Variants in PAPOLG observed in about 807,000 individuals in gnomAD.
PAPOLG encodes PAP-gamma.
A neutral mutation model predicts 99.0 loss-of-function variants in PAPOLG; 40 were observed. The ratio of observed to expected loss-of-function variants is 0.40; its 90% confidence interval spans 0.31 to 0.53. PAPOLG has a LOEUF of 0.53. Among genes scored for constraint, PAPOLG ranks in the 20% least tolerant of loss-of-function variants. The pLI is 0.41. For missense variants in PAPOLG, 675 were observed against 884.1 expected (o/e 0.76, Z 3.00); for synonymous variants, 310 against 299.3 (o/e 1.04, Z -0.37).
chr2:60,774,930 T>G lies in PAPOLG; in HGVS notation c.605-104T>G. On this transcript the variant is annotated intron_variant, in intron 7 of 21. Coordinates refer to ENST00000238714, the MANE Select transcript of PAPOLG (RefSeq NM_022894.4). The stretch of plus-strand genomic sequence containing the variant: ...CATAAAATAAGCCCCAATGTTTTAT[T>G]ATCTTTCATATTTTTAGCATTCGAG... The G allele has an allele frequency of 2.0e-6, 3 of 1,519,618 alleles. No homozygotes were observed. In the Admixed American group the frequency reaches 7.0e-5, roughly 36 times the overall value. The allele number at this position is 1,519,618 out of a possible 1,614,324, so 94.1% of individuals were successfully genotyped here.
chr2:60,783,500 C>CTTTTTTTTTTTTTTTTT (rs761205449), intron 13 of PAPOLG, among the ~76,000 whole-genome samples: 11 of 45,360 alleles, frequency 2.4e-4, no homozygotes, highest in Non-Finnish European at 3.1e-4. Context: ...TTTACCCGGC[C>CTTTTTTTTTTTTTTTTT]TTTTTTTTTT....
chr2:60,785,934 T>C (rs967842197), intron 13 of PAPOLG, among the ~76,000 whole-genome samples: 2 of 152,142 alleles, frequency 1.3e-5, no homozygotes, highest in African/African-American at 4.8e-5. Context: ...ATGACTGTTT[T>C]ATAGTCTTAA....
intron 21 of PAPOLG, among the ~76,000 whole-genome samples, chr2:60,795,956 A>G (rs1243415134): frequency 1.3e-5 from 2 of 152,152 alleles, no homozygotes; most frequent in Admixed American, 6.5e-5. Context: ...TAATATATCC[A>G]GTCTAAAGGG....
rs1257762685 is a variant in PAPOLG, at chr2:60,756,289, T to C, written c.-190T>C. Reference sequence around the variant, plus strand: ...CCATATTGGCGTCGGCCGCGCTGTATTGTCATAAATAGAGCCGGTTTTGTG... The same window carrying C: ...CCATATTGGCGTCGGCCGCGCTGTACTGTCATAAATAGAGCCGGTTTTGTG... On this transcript the variant is annotated 5_prime_UTR_variant, in exon 1 of 22. Transcript: ENST00000238714. 1 of 673,828 alleles carries C rather than the reference T, an allele frequency of 1.5e-6. No individual in the cohort carries two copies. The highest frequency in any genetic ancestry group is 2.6e-6 in the Non-Finnish European group (1 of 383,150). The allele number at this position is 673,828 out of a possible 1,614,324, so 41.7% of individuals were successfully genotyped here.
At chr2:60,780,507 C>T (rs1316476040) in intron 9 of PAPOLG, among the ~76,000 whole-genome samples, 200 bp from the exon 10 acceptor site, 1 of 152,174 alleles carries the variant, frequency 6.6e-6, no homozygotes, top group Non-Finnish European at 1.5e-5. Context: ...AACTCCTGAG[C>T]TCAGGTGATC....
intron 11 of PAPOLG, among the ~76,000 whole-genome samples, chr2:60,782,472 G>A (rs1339564898): frequency 1.3e-5 from 2 of 151,616 alleles, no homozygotes; most frequent in African/African-American, 2.4e-5. Flanking sequence ...CAGGAGAATC[G>A]CTTGAACCCA....
rs565014473 is a variant in PAPOLG, at chr2:60,760,001, G to A, written c.18-133G>A. 252 of 833,496 alleles carry A rather than the reference G, an allele frequency of 3.0e-4. 1 individual carries two copies. In the South Asian group the frequency reaches 3.3e-3, roughly 11 times the overall value. 51.6% of individuals were successfully genotyped at this position (833,496 alleles called of 1,614,324 possible). ...ACCCATTTTTCCTTTACAAGAAAGTGTCTGCCACTACTGTTATTACTAAGT... is the reference window on the plus strand; with the variant it reads ...ACCCATTTTTCCTTTACAAGAAAGTATCTGCCACTACTGTTATTACTAAGT... On this transcript the variant is annotated intron_variant, in intron 1 of 21. Coordinates refer to ENST00000238714, the MANE Select transcript of PAPOLG (RefSeq NM_022894.4).
chr2:60,792,747 A>T (rs1417062739), intron 17 of PAPOLG, among the ~76,000 whole-genome samples: 1 of 152,098 alleles, frequency 6.6e-6, no homozygotes, highest in Non-Finnish European at 1.5e-5. Flanking sequence ...AAATACAAAA[A>T]TTAATTGGCC....
chr2:60,787,996 C>G (rs141504979), intron 15 of PAPOLG, among the ~76,000 whole-genome samples: 1 of 151,336 alleles, frequency 6.6e-6, no homozygotes, highest in Non-Finnish European at 1.5e-5. Flanking sequence ...GAGCCGAGAT[C>G]GCCCCACTGC....
At chr2:60,775,926 G>T (rs1671002971) in intron 8 of PAPOLG, among the ~76,000 whole-genome samples, 1 of 152,018 alleles carries the variant, frequency 6.6e-6, no homozygotes, top group Non-Finnish European at 1.5e-5. Flanking sequence ...ACCATACCCG[G>T]GTAATTTTTT....
Position 60,800,707 on chromosome 2 carries a change from G to C in PAPOLG, c.*3547G>C, listed in dbSNP as rs988084717. 7.2e-5 allele frequency: 11 copies of C among 152,240 alleles called. No individual in the cohort carries two copies. The highest frequency in any genetic ancestry group is 6.2e-4 in the South Asian group (3 of 4,836). The allele number at this position is 152,240 out of a possible 1,614,324, so 9.4% of individuals were successfully genotyped here. On this transcript the variant is annotated 3_prime_UTR_variant, in exon 22 of 22. Coordinates refer to ENST00000238714, the MANE Select transcript of PAPOLG (RefSeq NM_022894.4). ...AACCCTTAGGGAATCCTTTATAATT[G>C]TGTATAAGAAGTTCTAGTTTACATG...
chr2:60,793,670 A>G lies in PAPOLG; in HGVS notation c.1723A>G (p.Ser575Gly). Residue 575 changes from serine (S) to glycine (G), a missense_variant, in exon 18 of 22, where the codon AGT (serine) becomes GGT (glycine). Coordinates refer to ENST00000238714, the MANE Select transcript of PAPOLG (RefSeq NM_022894.4). ...PAAVIVEKPL[S>G]VPPAQGLSIP... ...TGCTGTAATTGTGGAGAAGCCACTGAGTGTACCACCAGCCCAAGGACTTTC... is the reference window on the plus strand; with the variant it reads ...TGCTGTAATTGTGGAGAAGCCACTGGGTGTACCACCAGCCCAAGGACTTTC... 2 of 1,613,912 alleles carry G rather than the reference A, an allele frequency of 1.2e-6. No individual in the cohort carries two copies. Among genetic ancestry groups the G allele is most frequent in the South Asian group, 2.2e-5 (2 of 91,036 alleles).
rs755596819 is a variant in PAPOLG at position 60,781,880 on chromosome 2, C to T, written c.907-5C>T. 1.2e-6 allele frequency: 2 copies of T among 1,613,840 alleles called. No individual in the cohort carries two copies. Among genetic ancestry groups the T allele is most frequent in the Admixed American group, 3.3e-5 (2 of 59,996 alleles). ...AGATCAGTTATTCTGCTTCTAATTTCACAGGTAAATCCATCAGATAGGTAT... is the reference window on the plus strand; with the variant it reads ...AGATCAGTTATTCTGCTTCTAATTTTACAGGTAAATCCATCAGATAGGTAT... On this transcript the variant is annotated splice_region_variant and splice_polypyrimidine_tract_variant and intron_variant, in intron 10 of 21. Coordinates refer to ENST00000238714, the MANE Select transcript of PAPOLG (RefSeq NM_022894.4).
chr2:60,762,011 C>T (rs1226533917), intron 3 of PAPOLG, among the ~76,000 whole-genome samples: 1 of 152,164 alleles, frequency 6.6e-6, no homozygotes, highest in Non-Finnish European at 1.5e-5. Flanking sequence ...TGTGAGTCCA[C>T]ATAATTGTCT....
chr2:60,793,830 G>A, intron 18 of PAPOLG, 115 bp downstream of exon 18: 2 of 1,430,960 alleles, frequency 1.4e-6, no homozygotes, highest in South Asian at 2.7e-5. Context: ...AGGGTCACCT[G>A]AGCCTGGGAA....
chr2:60,757,236 GCA>G (rs948035423), intron 1 of PAPOLG, among the ~76,000 whole-genome samples: 2 of 152,002 alleles, frequency 1.3e-5, no homozygotes, highest in Admixed American at 6.5e-5. Flanking sequence ...ATGCACACAC[GCA>G]CACACACGGT....
At chr2:60,775,345 C>T (rs527641993) in intron 8 of PAPOLG, among the ~76,000 whole-genome samples, 19 of 152,330 alleles carry the variant, frequency 1.2e-4, no homozygotes, top group Non-Finnish European at 2.5e-4. Context: ...CCTGACTTTT[C>T]ATCTTAGGTT....
At chr2:60,774,447 C>T (rs1047347817) in intron 7 of PAPOLG, among the ~76,000 whole-genome samples, 25 of 149,722 alleles carry the variant, frequency 1.7e-4, no homozygotes, top group Admixed American at 1.0e-3. Flanking sequence ...CTCACTACAA[C>T]CTCCGCCTCC....
chr2:60,794,654 T>G (rs986695979), intron 19 of PAPOLG, 56 bp from the exon 20 acceptor site: 6 of 1,446,916 alleles, frequency 4.1e-6, no homozygotes, highest in Admixed American at 1.8e-5. Flanking sequence ...TTATATAGAT[T>G]TATATGGGTT....
Sources: allele counts gnomAD v4.1 joint callset (sites outside exome capture counted in the v4.1 genomes callset), GRCh38; gene constraint gnomAD v4.1.1; transcripts MANE v1.5; gene names NCBI Gene and HGNC (gene_info 2026-07-23, HGNC 2026-07-21).